Variants in TRPM2 observed in about 807,000 individuals in gnomAD.
TRPM2 encodes transient receptor potential cation channel subfamily M member 2, also known as estrogen-responsive element-associated gene 1 protein.
Under a neutral mutation model 174.0 loss-of-function variants are expected in TRPM2, and 161 were observed. The ratio of observed to expected loss-of-function variants is 0.93; its 90% CI spans 0.81 to 1.05. The LOEUF is 1.05. TRPM2 is among the 50% of genes least tolerant of loss of function. The pLI is 0.00. For missense variants in TRPM2, 2,057 were observed against 2,038.0 expected, an observed-to-expected ratio of 1.01 and a Z score of -0.18; for synonymous variants, 954 against 861.3, an observed-to-expected ratio of 1.11 and a Z score of -1.88.
chr21:44,403,834 TAC>T (rs1401863383), intron 16 of TRPM2, among the ~76,000 whole-genome samples: 1 of 151,178 alleles, frequency 6.6e-6, no homozygotes, highest in African/African-American at 2.4e-5. Context: ...CACACATGCA[TAC>T]ACACATTACA....
intron 4 of TRPM2, among the ~76,000 whole-genome samples, chr21:44,368,284 T>C (rs759237919): frequency 6.6e-5 from 10 of 152,142 alleles, no homozygotes; most frequent in Non-Finnish European, 1.5e-4. Flanking sequence ...CATGCCAGGC[T>C]AATTTTTGTA....
intron 16 of TRPM2, among the ~76,000 whole-genome samples, chr21:44,402,306 T>C (rs939452876): frequency 2.6e-5 from 4 of 152,120 alleles, no homozygotes; most frequent in African/African-American, 4.8e-5. Flanking sequence ...TGCTCACTTA[T>C]GGTTTATTAA....
intron 16 of TRPM2, among the ~76,000 whole-genome samples, chr21:44,404,751 A>C (rs2049804618): frequency 6.6e-6 from 1 of 151,302 alleles, no homozygotes; most frequent in Admixed American, 6.6e-5. Context: ...TGATAGTGAC[A>C]GTGATAGTGA....
Position 44,395,517 on chromosome 21 carries a change from A to G in TRPM2, c.1898A>G (p.Asn633Ser). Residue 633 changes from asparagine (N) to serine (S), a missense_variant, in exon 12 of 32, where the codon AAC becomes AGC. Asn to Ser is a conservative substitution (Grantham distance 46). Coordinates refer to ENST00000397928, the MANE Select transcript of TRPM2 (RefSeq NM_003307.4). ...CTTCTCATTTGGGCCATTGTCCAGA[A>G]CCGTCGGGAGCTGGCAGGAATCATC... Reference protein sequence around the residue: ...RDLLIWAIVQNRRELAGIIWA... With the variant: ...RDLLIWAIVQSRRELAGIIWA... 1 of 1,613,032 alleles carries G rather than the reference A, an allele frequency of 6.2e-7. No homozygotes were observed. Among genetic ancestry groups the G allele is most frequent in the Non-Finnish European group, 8.5e-7 (1 of 1,179,934 alleles).
At chr21:44,422,180 A>G in intron 22 of TRPM2, 1 of 1,438,642 alleles carries the variant, frequency 7.0e-7, no homozygotes, top group South Asian at 1.4e-5. Context: ...CCAGTGAAGA[A>G]GCTGGGCACC....
Position 44,397,730 on chromosome 21 carries a change from G to A in TRPM2, c.1933-17G>A. On this transcript the variant is annotated splice_polypyrimidine_tract_variant and intron_variant, in intron 12 of 31. Transcript: ENST00000397928. ...AGCCTGGCTCTTTAGTCTCACGGTG[G>A]CTCCTCTGGTCCCCAGAGCCAGGAC... The A allele has an allele frequency of 1.3e-6, 2 of 1,553,442 alleles. No homozygotes were observed. The highest frequency in any genetic ancestry group is 1.2e-5 in the South Asian group (1 of 81,438).
At chr21:44,384,316 TA>T (rs1353128988) in intron 9 of TRPM2, among the ~76,000 whole-genome samples, 3 of 152,208 alleles carry the variant, frequency 2.0e-5, no homozygotes, top group African/African-American at 7.2e-5. Flanking sequence ...TAGTACTTTA[TA>T]AATCAATCAC....
chr21:44,411,003 G>C (rs893004400), intron 19 of TRPM2, among the ~76,000 whole-genome samples: 2 of 150,798 alleles, frequency 1.3e-5, no homozygotes, highest in South Asian at 2.1e-4. Flanking sequence ...GCGTAGCCTT[G>C]TAGTAAGTTT....
rs573447522 is a variant in TRPM2, at chr21:44,430,718, C to T, written c.3974+3607C>T. The stretch of plus-strand genomic sequence containing the variant: ...TGCTGGGATTACAGGCGTGAGCCAC[C>T]GCGCCCGGCCGAGCAAGTGGATTTC... On this transcript the variant is annotated intron_variant, in intron 27 of 31. Transcript: ENST00000397928. Among the ~76,000 whole-genome samples the T allele has an allele frequency of 4.8e-3, 37 of 7,752 alleles. 15 individuals carry two copies. The highest frequency in any genetic ancestry group is 0.034 in the Admixed American group (33 of 970). 5.1% of individuals were successfully genotyped at this position (7,752 alleles called of 152,430 possible).
chr21:44,425,928 C>T, intron 25 of TRPM2, 101 bp downstream of exon 25: 1 of 1,312,236 alleles, frequency 7.6e-7, no homozygotes, highest in Non-Finnish European at 9.9e-7. Flanking sequence ...TGGCTCCCAG[C>T]CACTGCAGCC....
intron 24 of TRPM2, chr21:44,425,234 C>T (rs2050714048): frequency 4.7e-6 from 2 of 424,232 alleles, no homozygotes; most frequent in Non-Finnish European, 8.5e-6. Flanking sequence ...GGGTGCGAGG[C>T]GGGCGGCTGC....
At position 44,390,925 on chromosome 21, in the gene TRPM2, T is replaced by G; in HGVS notation, c.1340T>G (p.Phe447Cys). The change falls in exon 10 of 32, where the codon TTT becomes TGT. Residue 447 changes from phenylalanine (F) to cysteine (C), a missense_variant. Coordinates refer to ENST00000397928, the MANE Select transcript of TRPM2 (RefSeq NM_003307.4). ...LLKASRSQDH[F>C]GHENWDHQLK... ...GCAGCCTCACGGAGCCAAGACCACT[T>G]TGGCCACGAGAACTGGGACCACCAG... 6.2e-7 allele frequency: 1 copy of G among 1,614,042 alleles called. No individual in the cohort carries two copies. Among genetic ancestry groups the G allele is most frequent in the Non-Finnish European group, 8.5e-7 (1 of 1,180,008 alleles).
chr21:44,366,682 G>A lies in TRPM2; in HGVS notation c.424-72G>A. Reference sequence around the variant, plus strand: ...GCCGCCCGCTGGGGCCTCTCTGCATGGCCTGTGTGGGTCGGTGCTGTCCCT... The same window carrying A: ...GCCGCCCGCTGGGGCCTCTCTGCATAGCCTGTGTGGGTCGGTGCTGTCCCT... On this transcript the variant is annotated intron_variant, in intron 3 of 31. Transcript: ENST00000397928. The surrounding 1 kb of genome is among the most constrained non-coding windows in gnomAD (Gnocchi z 6.0). 1.2e-6 allele frequency: 2 copies of A among 1,605,488 alleles called. No homozygotes were observed. Among genetic ancestry groups the A allele is most frequent in the Non-Finnish European group, 1.7e-6 (2 of 1,176,192 alleles).
intron 12 of TRPM2, 107 bp from the exon 13 acceptor site, chr21:44,397,640 C>T (rs1382233245): frequency 3.5e-5 from 46 of 1,301,226 alleles, no homozygotes; most frequent in Admixed American, 1.2e-4. Flanking sequence ...CCCAGTGGCC[C>T]GCACTGTCCC....
chr21:44,437,891 G>A (rs1044977184), intron 29 of TRPM2, among the ~76,000 whole-genome samples: 2 of 152,250 alleles, frequency 1.3e-5, no homozygotes, highest in Non-Finnish European at 2.9e-5. Flanking sequence ...CCTGGCCGTG[G>A]CGCATGGCCT....
At chr21:44,372,284 A>G (rs1200639665) in intron 5 of TRPM2, among the ~76,000 whole-genome samples, 5 of 152,140 alleles carry the variant, frequency 3.3e-5, no homozygotes, top group Non-Finnish European at 7.4e-5. Context: ...CAGGCATATC[A>G]CCTGAGGTCA....
rs921771374 is a variant in TRPM2 at position 44,399,495 on chromosome 21, G to C, written c.2208+54G>C. The C allele has an allele frequency of 1.3e-6, 2 of 1,565,004 alleles. No individual in the cohort carries two copies. Among genetic ancestry groups the C allele is most frequent in the African/African-American group, 1.4e-5 (1 of 73,578 alleles). ...CAGACGCCTGTGGTGCCTGCAGGGC[G>C]GACACAGCCTCCTGTTCGTGCAGTT... On this transcript the variant is annotated intron_variant, in intron 14 of 31. Transcript: ENST00000397928. This position sits in a 1 kb window ranked among gnomAD's most constrained non-coding sequence, Gnocchi z 4.6.
intron 11 of TRPM2, among the ~76,000 whole-genome samples, chr21:44,392,298 C>T (rs954578032): frequency 2.8e-5 from 4 of 141,298 alleles, no homozygotes; most frequent in Non-Finnish European, 6.2e-5. Flanking sequence ...GGCTCTGTGA[C>T]CCAGGCTGGA....
chr21:44,382,071 T>G (rs965370474), intron 8 of TRPM2, among the ~76,000 whole-genome samples: 2 of 151,836 alleles, frequency 1.3e-5, no homozygotes, highest in Non-Finnish European at 2.9e-5. Flanking sequence ...GGTGGGTGTG[T>G]GTATGGATGG....
Sources: gnomAD v4.1 joint callset for allele counts (sites outside exome capture counted in the v4.1 genomes callset) on GRCh38, gnomAD v4.1.1 for gene constraint, Gnocchi (gnomAD v3.1) non-coding constraint, MANE v1.5 for transcripts, NCBI Gene and HGNC (gene_info 2026-07-23, HGNC 2026-07-21) for gene names.